Variants in GARNL3 observed in about 807,000 individuals in gnomAD.
The protein encoded by GARNL3 is GTPase-activating Rap/Ran-GAP domain-like protein 3.
In GARNL3, 63 loss-of-function variants were observed where a neutral mutation model predicts 125.0. The ratio of observed to expected loss-of-function variants is 0.50; its 90% CI spans 0.41 to 0.62. The LOEUF is 0.62. GARNL3 is among the 20% of genes least tolerant of loss of function. GARNL3 has a pLI of 0.00. For synonymous variants in GARNL3, 439 were observed against 457.5 expected, an observed-to-expected ratio of 0.96 and a Z score of 0.52; for missense variants, 994 against 1,244.0, an observed-to-expected ratio of 0.80 and a Z score of 3.02.
intron 2 of GARNL3, among the ~76,000 whole-genome samples, chr9:127,307,198 G>A (rs1281212275): frequency 6.6e-6 from 1 of 152,192 alleles, no homozygotes; most frequent in African/African-American, 2.4e-5. Context: ...TCTCTGTGCT[G>A]AATTCTTTTA....
chr9:127,389,014 A>C lies in GARNL3; in HGVS notation c.2638A>C (p.Thr880Pro). ...AGTCTCCAAGGTCATCACCCCACCCACTCCCATCAGTGTGGGCCTTGCTGC... is the reference window on the plus strand; with the variant it reads ...AGTCTCCAAGGTCATCACCCCACCCCCTCCCATCAGTGTGGGCCTTGCTGC... ...PLVSKVITPP[T>P]PISVGLAAIP... The change falls in exon 26 of 28, where the codon ACT becomes CCT. Residue 880 changes from threonine (T) to proline (P), a missense_variant. Physicochemically the swap from Thr to Pro is conservative, Grantham distance 38. Transcript: ENST00000373387. 1.2e-6 allele frequency: 2 copies of C among 1,613,114 alleles called. No individual in the cohort carries two copies. Among genetic ancestry groups the C allele is most frequent in the Non-Finnish European group, 8.5e-7 (1 of 1,179,486 alleles).
chr9:127,366,686 C>T (rs1831303355), intron 22 of GARNL3: 1 of 152,100 alleles, frequency 6.6e-6, no homozygotes, highest in African/African-American at 2.4e-5. Flanking sequence ...AAAGATAGAG[C>T]AGGTTTTTAG....
chr9:127,229,966 A>G (rs913351359), intron 1 of GARNL3, among the ~76,000 whole-genome samples: 3 of 152,230 alleles, frequency 2.0e-5, no homozygotes, highest in African/African-American at 7.2e-5. Flanking sequence ...CAGCAAACTG[A>G]TGAATGTAAA....
Position 127,387,324 on chromosome 9 carries a change from G to T in GARNL3, c.2520G>T (p.Leu840=), listed in dbSNP as rs750739889. 2.7e-5 allele frequency: 44 copies of T among 1,609,462 alleles called. No homozygotes were observed. Among genetic ancestry groups the T allele is most frequent in the Non-Finnish European group, 3.6e-5 (42 of 1,178,494 alleles). ...ATACTCCAGTATTTCCTTCTTCCCTGGGGGAAGGTGAAGTCCAAGTTTTAC... is the reference window on the plus strand; with the variant it reads ...ATACTCCAGTATTTCCTTCTTCCCTTGGGGAAGGTGAAGTCCAAGTTTTAC... The part of the protein sequence containing the change: ...GRDTPVFPSS[L]GEGEIQSKNL... Residue 840 remains leucine (L), a synonymous_variant, in exon 25 of 28, where the codon CTG becomes CTT. Coordinates refer to ENST00000373387, the MANE Select transcript of GARNL3 (RefSeq NM_032293.5).
At chr9:127,243,711 T>C (rs2063243454) in intron 2 of GARNL3, among the ~76,000 whole-genome samples, 1 of 152,182 alleles carries the variant, frequency 6.6e-6, no homozygotes, top group African/African-American at 2.4e-5. Flanking sequence ...AGCAAAAACA[T>C]TACAATGTAA....
intron 5 of GARNL3, among the ~76,000 whole-genome samples, chr9:127,318,715 A>C (rs996953206): frequency 1.3e-5 from 2 of 151,900 alleles, no homozygotes; most frequent in African/African-American, 4.8e-5. Flanking sequence ...AGCCTCCCCT[A>C]GGGAATGCCG....
chr9:127,333,176 G>A, intron 9 of GARNL3, 55 bp downstream of exon 9: 1 of 1,404,150 alleles, frequency 7.1e-7, no homozygotes, highest in South Asian at 1.2e-5. Flanking sequence ...TTGTAAGTCA[G>A]CCTGACCCGT....
intron 2 of GARNL3, among the ~76,000 whole-genome samples, chr9:127,296,809 C>T (rs187524697): frequency 6.6e-6 from 1 of 152,158 alleles, no homozygotes; most frequent in East Asian, 1.9e-4. Context: ...CCATGGATGA[C>T]TGCCTCAATC....
intron 1 of GARNL3, among the ~76,000 whole-genome samples, chr9:127,228,468 A>T (rs2062950304): frequency 6.6e-6 from 1 of 152,236 alleles, no homozygotes; most frequent in Non-Finnish European, 1.5e-5. Flanking sequence ...ACTAGGCATT[A>T]TCATTTATAA....
At chr9:127,255,465 T>C (rs1346131138) in intron 2 of GARNL3, among the ~76,000 whole-genome samples, 1 of 152,210 alleles carries the variant, frequency 6.6e-6, no homozygotes, top group African/African-American at 2.4e-5. Context: ...AGTAAGTACA[T>C]AGTATAAATA....
At chr9:127,249,089 A>G (rs2063355014) in intron 2 of GARNL3, among the ~76,000 whole-genome samples, 1 of 144,204 alleles carries the variant, frequency 6.9e-6, no homozygotes. Context: ...CTGTCTTAAT[A>G]GAGTACCTGG....
intron 1 of GARNL3, among the ~76,000 whole-genome samples, chr9:127,286,013 T>G (rs1429669839): frequency 4.9e-5 from 4 of 81,196 alleles, no homozygotes; most frequent in African/African-American, 1.2e-4. Flanking sequence ...CTCCTCTTTA[T>G]CCACTTTCTC....
At chr9:127,238,907 T>C (rs1265608420) in intron 1 of GARNL3, among the ~76,000 whole-genome samples, 1 of 152,210 alleles carries the variant, frequency 6.6e-6, no homozygotes, top group East Asian at 1.9e-4. Flanking sequence ...TGGAACCACC[T>C]AGACTCCCTC....
At chr9:127,340,210 AAGAC>A (rs1829788780) in intron 13 of GARNL3, among the ~76,000 whole-genome samples, 1 of 152,138 alleles carries the variant, frequency 6.6e-6, no homozygotes, top group South Asian at 2.1e-4. Flanking sequence ...GGGAAAGAGA[AAGAC>A]AGAATGAGAA....
intron 2 of GARNL3, among the ~76,000 whole-genome samples, chr9:127,257,068 C>T (rs1291350804): frequency 6.6e-6 from 1 of 152,142 alleles, no homozygotes; most frequent in Non-Finnish European, 1.5e-5. Context: ...AGCATAGTTC[C>T]CTGGAGATTA....
At chr9:127,258,206 G>A (rs182554195) in intron 2 of GARNL3, among the ~76,000 whole-genome samples, 1 of 152,246 alleles carries the variant, frequency 6.6e-6, no homozygotes, top group East Asian at 1.9e-4. Context: ...AGGGGAGCAG[G>A]GAGCTGTCTG....
chr9:127,317,497 G>C (rs753590131), intron 4 of GARNL3, among the ~76,000 whole-genome samples: 9 of 152,116 alleles, frequency 5.9e-5, no homozygotes, highest in Non-Finnish European at 1.3e-4. Context: ...GGCTGAGACA[G>C]GCAGATCACT....
At chr9:127,335,434 T>C in intron 10 of GARNL3, 101 bp downstream of exon 10, 1 of 942,748 alleles carries the variant, frequency 1.1e-6, no homozygotes, top group Non-Finnish European at 1.7e-6. Context: ...ACATATGAGC[T>C]GAGCTGTGGC....
intron 1 of GARNL3, among the ~76,000 whole-genome samples, chr9:127,227,093 G>A (rs886592570): frequency 7.2e-5 from 11 of 152,152 alleles, no homozygotes; most frequent in Non-Finnish European, 1.5e-4. Context: ...TAACCGCCTA[G>A]GACTAAAGTC....
Sources: gnomAD v4.1 joint callset for allele counts (sites outside exome capture counted in the v4.1 genomes callset) on GRCh38, gnomAD v4.1.1 for gene constraint, MANE v1.5 for transcripts, NCBI Gene and HGNC (gene_info 2026-07-23, HGNC 2026-07-21) for gene names.